GLIS3: variants seen among roughly 807,000 people sequenced by gnomAD.
GLIS3 encodes zinc finger protein GLIS3.
Under a neutral mutation model 78.6 loss-of-function variants are expected in GLIS3, and 53 were observed. The ratio of observed to expected loss-of-function variants is 0.67; its 90% confidence interval spans 0.54 to 0.85. The LOEUF (loss-of-function observed/expected upper bound fraction) is 0.85, where lower values mean the gene tolerates loss of function less well. Ranked by LOEUF, GLIS3 falls within the 40% of genes least tolerant of loss-of-function variation. The pLI, the probability that GLIS3 is intolerant of heterozygous loss-of-function variation, is 0.00. For synonymous variants in GLIS3, 684 were observed against 509.9 expected, an observed-to-expected ratio of 1.34 and a Z score of -4.60; for missense variants, 1,703 against 1,231.1, an observed-to-expected ratio of 1.38 and a Z score of -5.74.
At chr9:4,445,898 G>A in the GLIS3 span, among the ~76,000 whole-genome samples, 1 of 152,152 alleles carries the variant, frequency 6.6e-6, no homozygotes, top group Admixed American at 6.5e-5. Flanking sequence ...CCATCCAAGA[G>A]GACAGATAGA....
At chr9:3,966,398 G>T (rs1223535756) in intron 4 of GLIS3, among the ~76,000 whole-genome samples, 1 of 151,384 alleles carries the variant, frequency 6.6e-6, no homozygotes, top group Non-Finnish European at 1.5e-5. Flanking sequence ...AATCAAACAG[G>T]TGTTGATAGG....
At chr9:4,368,211 T>C in the GLIS3 span, among the ~76,000 whole-genome samples, 2 of 152,116 alleles carry the variant, frequency 1.3e-5, no homozygotes, top group African/African-American at 2.4e-5. Context: ...GTTCTCAGTA[T>C]CTCCAAAGAA....
intron 2 of GLIS3, among the ~76,000 whole-genome samples, chr9:4,239,406 T>TA (rs920266570): frequency 6.6e-6 from 1 of 152,122 alleles, no homozygotes; most frequent in Non-Finnish European, 1.5e-5. Flanking sequence ...ATGAAGTTGT[T>TA]AGACTACTGT....
intron 7 of GLIS3, among the ~76,000 whole-genome samples, chr9:3,880,661 A>C (rs1821667635): frequency 6.6e-6 from 1 of 152,200 alleles, no homozygotes; most frequent in Non-Finnish European, 1.5e-5. Flanking sequence ...TTGAGGGTTT[A>C]AAAGTTCAGG....
chr9:4,044,437 T>TA, intron 4 of GLIS3, among the ~76,000 whole-genome samples: 2 of 152,298 alleles, frequency 1.3e-5, no homozygotes, highest in East Asian at 3.9e-4. Context: ...CTCTCTGGTC[T>TA]CTCATAGTCT....
chr9:4,254,841 A>G (rs980532656), intron 2 of GLIS3, among the ~76,000 whole-genome samples: 1 of 148,204 alleles, frequency 6.7e-6, no homozygotes, highest in Non-Finnish European at 1.5e-5. Flanking sequence ...CTACGTCTCA[A>G]AAAAAAAAAA....
chr9:4,256,018 G>A (rs1459753361), intron 2 of GLIS3, among the ~76,000 whole-genome samples: 3 of 151,918 alleles, frequency 2.0e-5, no homozygotes, highest in Admixed American at 1.3e-4. Context: ...ACCTAAAACT[G>A]TTCTAAAAAC....
At chr9:3,951,643 C>G (rs1202228142) in intron 4 of GLIS3, among the ~76,000 whole-genome samples, 1 of 151,990 alleles carries the variant, frequency 6.6e-6, no homozygotes, top group African/African-American at 2.4e-5. Context: ...CTCCTTAGCT[C>G]TAAACTTCAG....
chr9:4,073,203 C>G (rs1251856206), intron 4 of GLIS3, among the ~76,000 whole-genome samples: 1 of 152,140 alleles, frequency 6.6e-6, no homozygotes, highest in Admixed American at 6.5e-5. Flanking sequence ...TCACCTGCCA[C>G]AATCTACAAG....
chr9:4,258,061 C>A (rs974352170), intron 2 of GLIS3, among the ~76,000 whole-genome samples: 1 of 152,060 alleles, frequency 6.6e-6, no homozygotes, highest in Non-Finnish European at 1.5e-5. Context: ...CTAATGTATG[C>A]CTATGTACAC....
intron 2 of GLIS3, among the ~76,000 whole-genome samples, chr9:4,326,458 T>G (rs1250420680): frequency 6.6e-6 from 1 of 152,090 alleles, no homozygotes; most frequent in African/African-American, 2.4e-5. Context: ...CACAAAAAAA[T>G]ACTGTGAGAT....
intron 3 of GLIS3, among the ~76,000 whole-genome samples, chr9:4,310,048 C>T (rs561335758): frequency 4.0e-4 from 61 of 152,288 alleles, no homozygotes; most frequent in Non-Finnish European, 6.5e-4. Context: ...ACCAATTTAT[C>T]CTGAGGATGC....
intron 2 of GLIS3, among the ~76,000 whole-genome samples, chr9:4,189,940 T>C (rs193002844): frequency 6.6e-6 from 1 of 152,074 alleles, no homozygotes; most frequent in African/African-American, 2.4e-5. Flanking sequence ...AGTGGACCTC[T>C]AGCAAACTCC....
chr9:3,893,261 A>G (rs1822584633), intron 7 of GLIS3, among the ~76,000 whole-genome samples: 1 of 152,228 alleles, frequency 6.6e-6, no homozygotes, highest in Non-Finnish European at 1.5e-5. Flanking sequence ...CAAAACTTGC[A>G]CATATTGTAA....
At chr9:3,991,854 C>G (rs1820313689) in intron 4 of GLIS3, among the ~76,000 whole-genome samples, 1 of 151,902 alleles carries the variant, frequency 6.6e-6, no homozygotes. Context: ...CCATGCCTGG[C>G]TAATTTTTTG....
intron 2 of GLIS3, among the ~76,000 whole-genome samples, chr9:4,167,041 T>A (rs746997298): frequency 6.6e-6 from 1 of 152,212 alleles, no homozygotes; most frequent in Non-Finnish European, 1.5e-5. Flanking sequence ...GAACAAAACA[T>A]TGACGCAAGT....
At chr9:4,219,001 C>T (rs1038036424) in intron 2 of GLIS3, among the ~76,000 whole-genome samples, 15 of 152,302 alleles carry the variant, frequency 9.8e-5, no homozygotes, top group African/African-American at 3.1e-4. Context: ...ATTACTGTAT[C>T]CCTATTATCT....
At chr9:4,085,444 T>C (rs1266767842) in intron 4 of GLIS3, among the ~76,000 whole-genome samples, 2 of 152,180 alleles carry the variant, frequency 1.3e-5, no homozygotes, top group African/African-American at 4.8e-5. Flanking sequence ...TCACTTTTCT[T>C]GATGGCCACT....
intron 2 of GLIS3, among the ~76,000 whole-genome samples, chr9:4,274,026 G>C (rs16921003): frequency 1.3e-5 from 2 of 152,054 alleles, no homozygotes; most frequent in Non-Finnish European, 2.9e-5. Flanking sequence ...ACATGTGGCC[G>C]AGTCTGCCCT....
Sources: allele counts gnomAD v4.1 joint callset (sites outside exome capture counted in the v4.1 genomes callset), GRCh38; gene constraint gnomAD v4.1.1; transcripts MANE v1.5; gene names NCBI Gene and HGNC (gene_info 2026-07-23, HGNC 2026-07-21).